CCDC102B: variants seen among roughly 807,000 people sequenced by gnomAD.
CCDC102B encodes coiled-coil domain-containing protein 102B.
Under a neutral mutation model 57.4 loss-of-function variants are expected in CCDC102B, and 75 were observed. That is an observed-to-expected ratio of 1.31 (90% CI 1.08 to 1.58). The LOEUF (loss-of-function observed/expected upper bound fraction) is 1.58, where lower values mean the gene tolerates loss of function less well. Among genes scored for constraint, CCDC102B ranks in the 40% most tolerant of loss-of-function variants. The probability of loss-of-function intolerance (pLI) is 0.00; values close to 1 mark genes in which losing one functional copy is unlikely to be tolerated. For missense variants in CCDC102B, 636 were observed against 582.6 expected (o/e 1.09, Z -0.94); for synonymous variants, 206 against 201.9 (o/e 1.02, Z -0.17).
intron 4 of CCDC102B, among the ~76,000 whole-genome samples, chr18:68,867,448 ACTGCCAGCT>A (rs890325608): frequency 4.6e-5 from 7 of 152,132 alleles, no homozygotes; most frequent in African/African-American, 1.7e-4. Flanking sequence ...GACAGTGGAA[ACTGCCAGCT>A]CTGTGGCCTG....
intron 5 of CCDC102B, among the ~76,000 whole-genome samples, chr18:68,884,712 A>G (rs2039819160): frequency 6.7e-6 from 1 of 149,454 alleles, no homozygotes; most frequent in Non-Finnish European, 1.5e-5. Flanking sequence ...CCATTTCATC[A>G]CATTATATAT....
chr18:68,746,633 C>A (rs2033630245), intron 2 of CCDC102B, among the ~76,000 whole-genome samples: 1 of 151,982 alleles, frequency 6.6e-6, no homozygotes, highest in Non-Finnish European at 1.5e-5. Flanking sequence ...TTCTAAAATT[C>A]TTTTGAGTCT....
chr18:69,002,475 C>T (rs2051229498), intron 6 of CCDC102B, among the ~76,000 whole-genome samples: 1 of 152,102 alleles, frequency 6.6e-6, no homozygotes, highest in African/African-American at 2.4e-5. Flanking sequence ...AAAAATAATG[C>T]AGGCAACCAC....
At position 68,968,803 on chromosome 18, in the gene CCDC102B, C is replaced by T. The variant is rs142855845; in HGVS notation, c.1264-42131C>T. Among the ~76,000 whole-genome samples the T allele has an allele frequency of 5.6e-3, 859 of 152,228 alleles. 7 individuals are homozygous for T. Among genetic ancestry groups the T allele is most frequent in the Non-Finnish European group, 0.01 (702 of 68,024 alleles). ...AGAGCACTCACGCAGTAGTTATTCT[C>T]ATGACGGACAGATTTTACTTAGCAT... On this transcript the variant is annotated intron_variant, in intron 6 of 7. Transcript: ENST00000360242.
chr18:69,017,921 TATC>T, intron 7 of CCDC102B, among the ~76,000 whole-genome samples: 1 of 152,332 alleles, frequency 6.6e-6, no homozygotes. Flanking sequence ...TTATTTCACT[TATC>T]ATAATGTCCT....
intron 7 of CCDC102B, among the ~76,000 whole-genome samples, chr18:69,027,580 CAGTT>C (rs1250339049): frequency 6.6e-6 from 1 of 151,892 alleles, no homozygotes; most frequent in East Asian, 1.9e-4. Flanking sequence ...AAAGCTCTGA[CAGTT>C]TGTTTAAAAT....
intron 6 of CCDC102B, among the ~76,000 whole-genome samples, chr18:69,004,678 T>C (rs895531259): frequency 1.4e-4 from 21 of 152,204 alleles, no homozygotes; most frequent in African/African-American, 5.1e-4. Context: ...ATTGTCACAA[T>C]TGACAAATAT....
chr18:68,761,809 T>C (rs143590648), intron 2 of CCDC102B, among the ~76,000 whole-genome samples: 108 of 152,220 alleles, frequency 7.1e-4, no homozygotes, highest in African/African-American at 2.6e-3. Context: ...CATTTACGTT[T>C]ATGATAATTA....
intron 5 of CCDC102B, among the ~76,000 whole-genome samples, chr18:68,888,506 G>A (rs569981730): frequency 1.6e-4 from 24 of 152,214 alleles, no homozygotes; most frequent in South Asian, 1.0e-3. Flanking sequence ...GGGTGCCACC[G>A]TGTACATTGT....
At chr18:68,741,244 C>G (rs1372580964) in intron 2 of CCDC102B, among the ~76,000 whole-genome samples, 1 of 152,174 alleles carries the variant, frequency 6.6e-6, no homozygotes, top group Non-Finnish European at 1.5e-5. Context: ...CAAATGGCTT[C>G]CATCCAATGG....
intron 4 of CCDC102B, among the ~76,000 whole-genome samples, chr18:68,854,512 A>G (rs1304315748): frequency 6.6e-6 from 1 of 152,070 alleles, no homozygotes; most frequent in Admixed American, 6.5e-5. Flanking sequence ...CATCTATGGA[A>G]TCAATCAATC....
In CCDC102B at chr18:68,896,584, C is replaced by T. The variant is rs555921336; in HGVS notation, c.1054-635C>T. 1.8e-4 allele frequency among the ~76,000 whole-genome samples: 27 copies of T among 151,890 alleles called. No individual in the cohort carries two copies. The East Asian group carries it at 3.7e-3, about 21-fold the overall frequency. On this transcript the variant is annotated intron_variant, in intron 5 of 7. Coordinates refer to ENST00000360242, the MANE Select transcript of CCDC102B (RefSeq NM_024781.3). ...TATAGGCAAAGTGTGAAGAAATGAG[C>T]GTGGCCATGTCCCAATACGATTTTA... is the stretch of plus-strand genomic sequence containing the variant.
intron 1 of CCDC102B, among the ~76,000 whole-genome samples, chr18:68,809,307 A>C (rs1011045379): frequency 2.0e-5 from 3 of 152,170 alleles, no homozygotes; most frequent in East Asian, 3.9e-4. Flanking sequence ...ATTTTCCATA[A>C]AGGAAGAAGA....
At chr18:69,029,719 A>AC (rs1447165634) in intron 7 of CCDC102B, among the ~76,000 whole-genome samples, 3 of 152,200 alleles carry the variant, frequency 2.0e-5, no homozygotes, top group African/African-American at 7.2e-5. Context: ...CTCTGTATTG[A>AC]TAGGTTAAAA....
intron 5 of CCDC102B, among the ~76,000 whole-genome samples, chr18:68,883,643 C>G (rs564321602): frequency 2.4e-4 from 37 of 152,090 alleles, no homozygotes; most frequent in Admixed American, 9.2e-4. Context: ...TAAACTAAAC[C>G]ATTGTGCGTG....
At chr18:68,993,474 A>G (rs1353348089) in intron 6 of CCDC102B, 1 of 152,230 alleles carries the variant, frequency 6.6e-6, no homozygotes, top group Non-Finnish European at 1.5e-5. Context: ...TTCCTGTAAT[A>G]AAGATACACA....
chr18:68,808,623 G>A (rs1392104758), intron 1 of CCDC102B, among the ~76,000 whole-genome samples: 1 of 151,596 alleles, frequency 6.6e-6, no homozygotes, highest in African/African-American at 2.4e-5. Flanking sequence ...GACTACAGGC[G>A]CCCGCCACCA....
At chr18:68,896,808 T>C (rs1019649826) in intron 5 of CCDC102B, among the ~76,000 whole-genome samples, 1 of 151,984 alleles carries the variant, frequency 6.6e-6, no homozygotes, top group Non-Finnish European at 1.5e-5. Flanking sequence ...ATAGCATCTG[T>C]CTATTCCCTA....
intron 7 of CCDC102B, among the ~76,000 whole-genome samples, chr18:69,022,984 T>TAA (rs567067081): frequency 7.0e-6 from 1 of 142,102 alleles, no homozygotes; most frequent in Non-Finnish European, 1.5e-5. Flanking sequence ...CGTGCTTAGT[T>TAA]AAAAAAAAAA....
Sources: gnomAD v4.1 joint callset for allele counts (sites outside exome capture counted in the v4.1 genomes callset) on GRCh38, gnomAD v4.1.1 for gene constraint, MANE v1.5 for transcripts, NCBI Gene and HGNC (gene_info 2026-07-23, HGNC 2026-07-21) for gene names.